NOL12: variants seen among roughly 807,000 people sequenced by gnomAD.
NOL12 encodes the protein nucleolar protein 12.
In NOL12, 21 loss-of-function variants were observed where a neutral mutation model predicts 25.2. That is an observed-to-expected ratio of 0.83 (90% confidence interval 0.59 to 1.20). The LOEUF is 1.20. NOL12 is among the 50% of genes most tolerant of loss of function. The pLI is 0.00. For synonymous variants in NOL12, 133 were observed against 113.8 expected (o/e 1.17, Z -1.08); for missense variants, 286 against 287.6 (o/e 0.99, Z 0.04).
At chr22:37,691,044 G>C (rs1308620763) in intron 5 of NOL12, 130 bp from the exon 6 acceptor site, 3 of 1,124,590 alleles carry the variant, frequency 2.7e-6, no homozygotes, top group Non-Finnish European at 3.8e-6. Flanking sequence ...TCTGGAGGTA[G>C]AGCAGGCCAA....
At position 37,691,652 on chromosome 22, in the gene NOL12, C is replaced by A; in HGVS notation, c.*316C>A. ...ATTTGTGCGCTTGTGATTTGTTTGT[C>A]CTTGATACCACGCACAAGGGCAGGT... On this transcript the variant is annotated 3_prime_UTR_variant, in exon 6 of 6. Coordinates refer to ENST00000359114, the MANE Select transcript of NOL12 (RefSeq NM_024313.3). The A allele has an allele frequency of 3.0e-6, 1 of 330,980 alleles. No homozygotes were observed. The highest frequency in any genetic ancestry group is 5.5e-6 in the Non-Finnish European group (1 of 182,710). The allele number at this position is 330,980 out of a possible 1,614,324, so 20.5% of individuals were successfully genotyped here.
Position 37,686,350 on chromosome 22 carries a change from C to T in NOL12, c.-43C>T. 6.4e-7 allele frequency: 1 copy of T among 1,559,084 alleles called. No homozygotes were observed. The highest frequency in any genetic ancestry group is 1.2e-5 in the South Asian group (1 of 84,228). On this transcript the variant is annotated 5_prime_UTR_variant, in exon 1 of 6. Transcript: ENST00000359114. ...GCCCGGGAGGATGAGTACGCTACAC[C>T]CGGAAGTGTCTTCAGGGAGAGGAAG... is the stretch of plus-strand genomic sequence containing the variant.
Position 37,690,780 on chromosome 22 carries a change from C to G in NOL12, c.465C>G (p.Pro155=), listed in dbSNP as rs1173343318. 4 of 1,613,310 alleles carry G rather than the reference C, an allele frequency of 2.5e-6. No individual in the cohort carries two copies. Among genetic ancestry groups the G allele is most frequent in the East Asian group, 2.2e-5 (1 of 44,868 alleles). The change falls in exon 5 of 6, where the codon CCC becomes CCG. Residue 155 remains proline, a synonymous_variant. Transcript: ENST00000359114. ...TKALPRKSRD[P]LLSQRISSLT... ...CCTTGCCCAGGAAGTCCAGAGACCC[C>G]CTGCTCTCTCAGCGGTGAGTCTTGG...
At chr22:37,686,759 A>G in intron 1 of NOL12, 1 of 985,452 alleles carries the variant, frequency 1.0e-6, no homozygotes, top group Non-Finnish European at 1.2e-6. Flanking sequence ...AGCCCAGTCC[A>G]TCGGTCCGGC....
rs373200532 is a variant in NOL12 at position 37,692,941 on chromosome 22, C to G, written c.*1605C>G. On this transcript the variant is annotated 3_prime_UTR_variant, in exon 6 of 6. Transcript: ENST00000359114. ...GCACCCGGGTATGGTGAGTTCCCCT[C>G]AGGGATTGTGCTGAGCGCCTTGGCC... 2 of 382,000 alleles carry G rather than the reference C, an allele frequency of 5.2e-6. No homozygotes were observed. Among genetic ancestry groups the G allele is most frequent in the African/African-American group, 4.1e-5 (2 of 48,354 alleles). The allele number at this position is 382,000 out of a possible 1,614,324, so 23.7% of individuals were successfully genotyped here. A position where few individuals can be genotyped will look rare whatever the true frequency, so the allele number is the denominator to read the frequency against.
In NOL12 at chr22:37,686,368, A is replaced by T. The variant is rs755286393; in HGVS notation, c.-25A>T. The T allele has an allele frequency of 9.5e-6, 15 of 1,580,860 alleles. No homozygotes were observed. In the East Asian group the frequency reaches 1.7e-4, roughly 17 times the overall value. On this transcript the variant is annotated 5_prime_UTR_variant, in exon 1 of 6. Coordinates refer to ENST00000359114, the MANE Select transcript of NOL12 (RefSeq NM_024313.3). ...GCTACACCCGGAAGTGTCTTCAGGG[A>T]GAGGAAGCCGGCGGCCTCACTGCTA...
At chr22:37,686,859 T>C (rs545144115) in intron 1 of NOL12, 398 of 985,452 alleles carry the variant, frequency 4.0e-4, no homozygotes, top group South Asian at 7.0e-4. Flanking sequence ...TAGACATTTA[T>C]TGGGCTCCTT....
chr22:37,688,930 G>A lies in NOL12; in HGVS notation c.319G>A (p.Val107Met), dbSNP rs768606748. The A allele has an allele frequency of 9.9e-6, 16 of 1,613,974 alleles. No homozygotes were observed. Among genetic ancestry groups the A allele is most frequent in the Admixed American group, 1.7e-5 (1 of 60,012 alleles). The change falls in exon 4 of 6, where the codon GTG (valine) becomes ATG (methionine). Residue 107 changes from valine to methionine, a missense_variant. By Grantham distance (21) the Val-to-Met change is conservative (BLOSUM62 1). Transcript: ENST00000359114. ...QYDHPNHTVT[V>M]TTISDLDLSG... ...TGACCACCCCAACCACACAGTCACC[G>A]TGACCACCATCAGTGACCTGGACCT...
chr22:37,688,108 G>A (rs1921904208), intron 2 of NOL12, 93 bp downstream of exon 2: 7 of 1,209,788 alleles, frequency 5.8e-6, no homozygotes, highest in Non-Finnish European at 6.0e-6. Flanking sequence ...GGCATGGGGC[G>A]ATGTGTGTGT....
chr22:37,688,008 G>A lies in NOL12; in HGVS notation c.182G>A (p.Arg61Gln), dbSNP rs749684376. 5.7e-6 allele frequency: 9 copies of A among 1,572,490 alleles called. No individual in the cohort carries two copies. Among genetic ancestry groups the A allele is most frequent in the African/African-American group, 1.3e-5 (1 of 74,074 alleles). ...QRLKEEQRKL[R>Q]EERHQEYLKM... ...CTGAAAGAGGAGCAGAGGAAGCTTCGGGAGGAGGTACGCAGGGGGAAGGTG... is the reference window on the plus strand; with the variant it reads ...CTGAAAGAGGAGCAGAGGAAGCTTCAGGAGGAGGTACGCAGGGGGAAGGTG... Residue 61 changes from arginine to glutamine, a missense_variant, in exon 2 of 6, where the codon CGG becomes CAG. Arg to Gln is a conservative substitution (Grantham distance 43). Transcript: ENST00000359114.
chr22:37,689,721 C>T (rs963914832), intron 4 of NOL12, among the ~76,000 whole-genome samples: 1 of 152,256 alleles, frequency 6.6e-6, no homozygotes, highest in Non-Finnish European at 1.5e-5. Flanking sequence ...GAGCCACTCC[C>T]CTATCACATC....
At chr22:37,687,628 TTG>T (rs1200648300) in intron 1 of NOL12, among the ~76,000 whole-genome samples, 1 of 152,178 alleles carries the variant, frequency 6.6e-6, no homozygotes, top group Middle Eastern at 3.2e-3. Flanking sequence ...CAGCTAATTT[TTG>T]TGTTTTTAGT....
In NOL12 at chr22:37,686,370, A is replaced by T. The variant is rs377032953; in HGVS notation, c.-23A>T. On this transcript the variant is annotated 5_prime_UTR_variant, in exon 1 of 6. Transcript: ENST00000359114. ...TACACCCGGAAGTGTCTTCAGGGAG[A>T]GGAAGCCGGCGGCCTCACTGCTATG... is the stretch of plus-strand genomic sequence containing the variant. 2.0e-5 allele frequency: 32 copies of T among 1,581,734 alleles called. No individual in the cohort carries two copies. Among genetic ancestry groups the T allele is most frequent in the Middle Eastern group, 1.7e-4 (1 of 6,026 alleles).
chr22:37,686,468 A>G lies in NOL12; in HGVS notation c.76A>G (p.Lys26Glu). 6.2e-7 allele frequency: 1 copy of G among 1,600,432 alleles called. No individual in the cohort carries two copies. The highest frequency in any genetic ancestry group is 8.5e-7 in the Non-Finnish European group (1 of 1,174,912). Residue 26 changes from lysine to glutamate, a missense_variant, in exon 1 of 6, where the codon AAG becomes GAG. Transcript: ENST00000359114. The stretch of plus-strand genomic sequence containing the variant: ...GCTCGTTCTTAGCTTCGACGAGGAG[A>G]AGAGGCGGTGAGTGGCAAAGCCGGA... ...PRLVLSFDEEKRREYLTGFHK... is the reference protein window; with the variant it reads ...PRLVLSFDEEERREYLTGFHK...
chr22:37,689,138 C>A, intron 4 of NOL12, 146 bp downstream of exon 4: 2 of 992,734 alleles, frequency 2.0e-6, no homozygotes, highest in Non-Finnish European at 3.0e-6. Flanking sequence ...GTCGGGGTTG[C>A]TCAGTGCTGG....
chr22:37,689,394 G>C (rs1344593263), intron 4 of NOL12, among the ~76,000 whole-genome samples: 1 of 152,228 alleles, frequency 6.6e-6, no homozygotes, highest in Non-Finnish European at 1.5e-5. Context: ...ACAGTGCCCA[G>C]CCCTGTCATA....
rs114699094 is a variant in NOL12, at chr22:37,689,026, C to T, written c.381+34C>T. The T allele has an allele frequency of 2.2e-3, 3,476 of 1,603,736 alleles. 60 individuals carry two copies. The African/African-American group carries it at 0.037, about 17-fold the overall frequency. On this transcript the variant is annotated intron_variant, in intron 4 of 5. Transcript: ENST00000359114. ...CAGTCTCAGCCCTGGGAGGAAGGGGCGTGGGGGCAGACCAGCTTGTCAGGG... is the reference window on the plus strand; with the variant it reads ...CAGTCTCAGCCCTGGGAGGAAGGGGTGTGGGGGCAGACCAGCTTGTCAGGG...
chr22:37,687,947 C>T lies in NOL12; in HGVS notation c.121C>T (p.Arg41Ter), dbSNP rs370018149. Residue 41 changes from arginine to a stop codon, truncating the protein, a stop_gained, in exon 2 of 6, where the codon CGA (arginine) becomes TGA (stop). Coordinates refer to ENST00000359114, the MANE Select transcript of NOL12 (RefSeq NM_024313.3). LOFTEE classifies it high-confidence loss of function. ...AGGCTTCCACAAGCGGAAGGTCGAG[C>T]GAAAGAAGGCAGCCATTGAGGAGAT... ...LTGFHKRKVE[R>*]KKAAIEEIKQ... is the part of the protein sequence containing the mutation. The T allele has an allele frequency of 1.8e-5, 29 of 1,586,770 alleles. No individual in the cohort carries two copies. Among genetic ancestry groups the T allele is most frequent in the Non-Finnish European group, 2.3e-5 (27 of 1,167,106 alleles).
chr22:37,686,461 CGAG>C lies in NOL12; in HGVS notation c.73_75del (p.Glu25del), dbSNP rs773412598. On this transcript the variant is annotated inframe_deletion, in exon 1 of 6. Coordinates refer to ENST00000359114, the MANE Select transcript of NOL12 (RefSeq NM_024313.3). ...GGCCGAGGCTCGTTCTTAGCTTCGACGAGGAGAAGAGGCGGTGAGTGGCAAAGC... is the reference window on the plus strand; with the variant it reads ...GGCCGAGGCTCGTTCTTAGCTTCGACGAGAAGAGGCGGTGAGTGGCAAAGC... 2.7e-5 allele frequency: 44 copies of C among 1,602,804 alleles called. No individual in the cohort carries two copies. Among genetic ancestry groups the C allele is most frequent in the Non-Finnish European group, 3.4e-5 (40 of 1,175,866 alleles).
Sources: allele counts gnomAD v4.1 joint callset (sites outside exome capture counted in the v4.1 genomes callset), GRCh38; gene constraint gnomAD v4.1.1; transcripts MANE v1.5; gene names NCBI Gene and HGNC (gene_info 2026-07-23, HGNC 2026-07-21).